Variants in PRKACB observed in about 807,000 individuals in gnomAD.
PRKACB encodes the protein cAMP-dependent protein kinase catalytic subunit beta.
PRKACB carries 16 observed loss-of-function variants against 51.4 expected under a neutral mutation model. The observed-to-expected ratio is 0.31, with a 90% CI of 0.21 to 0.47. The LOEUF (loss-of-function observed/expected upper bound fraction) is 0.47. Among genes scored for constraint, PRKACB ranks in the 20% least tolerant of loss-of-function variants. The pLI is 1.00. For missense variants in PRKACB, 309 were observed against 464.5 expected, an observed-to-expected ratio of 0.67 and a Z score of 3.08; for synonymous variants, 147 against 154.4, an observed-to-expected ratio of 0.95 and a Z score of 0.35.
chr1:84,137,135 T>C (rs1446175504), intron 1 of PRKACB, among the ~76,000 whole-genome samples: 2 of 152,166 alleles, frequency 1.3e-5, no homozygotes, highest in African/African-American at 4.8e-5. Flanking sequence ...CAAACCCCTT[T>C]CCTTTATAAA....
At chr1:84,078,344 G>T (rs201535952) in exon 1 of PRKACB, 19 of 1,611,498 alleles carry the variant, frequency 1.2e-5, no homozygotes, top group Non-Finnish European at 1.4e-5. Flanking sequence ...CGCGGCGACC[G>T]CCAAGAAAGG....
chr1:84,085,698 G>C (rs939107034), intron 1 of PRKACB: 14 of 197,334 alleles, frequency 7.1e-5, no homozygotes, highest in African/African-American at 3.3e-4. Context: ...TTGTCAGGCA[G>C]GGAGGGCTGG....
chr1:84,128,434 G>C (rs7532712), intron 1 of PRKACB, among the ~76,000 whole-genome samples: 72,458 of 151,872 alleles, frequency 0.48, 17,940 homozygotes, highest in Non-Finnish European at 0.56. Context: ...GCATACCCAC[G>C]ATTTTCATGC....
intron 1 of PRKACB, among the ~76,000 whole-genome samples, chr1:84,150,403 C>T (rs1029328901): frequency 6.6e-6 from 1 of 152,092 alleles, no homozygotes; most frequent in East Asian, 1.9e-4. Flanking sequence ...CCTTCTGTTA[C>T]AACTACCAGG....
chr1:84,100,484 A>T (rs1033431396), intron 1 of PRKACB, among the ~76,000 whole-genome samples: 19 of 152,184 alleles, frequency 1.2e-4, no homozygotes, highest in Admixed American at 1.2e-3. Flanking sequence ...AGTGGCTTTT[A>T]TCTCAGAATA....
chr1:84,114,259 A>C (rs77818728), intron 1 of PRKACB, among the ~76,000 whole-genome samples: 2,037 of 152,320 alleles, frequency 0.013, 51 homozygotes, highest in African/African-American at 0.046. Context: ...AGTAATTTTC[A>C]AAATATGTAG....
intron 1 of PRKACB, among the ~76,000 whole-genome samples, chr1:84,129,337 G>A (rs181636704): frequency 6.6e-6 from 1 of 152,126 alleles, no homozygotes; most frequent in African/African-American, 2.4e-5. Context: ...ATTTGTTTAT[G>A]TATTTGAAAA....
At chr1:84,232,257 C>T (rs2101705165) in intron 9 of PRKACB, among the ~76,000 whole-genome samples, 1 of 151,584 alleles carries the variant, frequency 6.6e-6, no homozygotes, top group South Asian at 2.1e-4. Flanking sequence ...ATCCTGAGTT[C>T]TAGTTTGATT....
intron 9 of PRKACB, among the ~76,000 whole-genome samples, chr1:84,220,365 A>G (rs1280736817): frequency 2.6e-5 from 4 of 152,058 alleles, no homozygotes; most frequent in Non-Finnish European, 4.4e-5. Context: ...TGGAGTCTAT[A>G]TGTAAGATTA....
chr1:84,216,245 A>G (rs192234475), intron 9 of PRKACB, among the ~76,000 whole-genome samples: 1 of 152,266 alleles, frequency 6.6e-6, no homozygotes, highest in East Asian at 1.9e-4. Context: ...AGACTGAGGC[A>G]GGAAGATCAC....
chr1:84,154,215 G>T (rs1655177965), intron 1 of PRKACB, among the ~76,000 whole-genome samples: 1 of 152,064 alleles, frequency 6.6e-6, no homozygotes, highest in Admixed American at 6.6e-5. Flanking sequence ...TTTAAATTGG[G>T]TATTTGTTTT....
chr1:84,127,143 G>A (rs918867819), intron 1 of PRKACB, among the ~76,000 whole-genome samples: 6 of 152,124 alleles, frequency 3.9e-5, no homozygotes, highest in African/African-American at 1.4e-4. Context: ...CTTGACAGCT[G>A]TGTATGTTAC....
chr1:84,117,631 T>C (rs1397548343), intron 1 of PRKACB, among the ~76,000 whole-genome samples: 1 of 152,186 alleles, frequency 6.6e-6, no homozygotes, highest in Non-Finnish European at 1.5e-5. Flanking sequence ...TGTATTTTTG[T>C]GATATCAGTT....
At chr1:84,182,465 T>C in intron 3 of PRKACB, 137 bp downstream of exon 3, 1 of 628,490 alleles carries the variant, frequency 1.6e-6, no homozygotes, top group Non-Finnish European at 2.2e-6. Context: ...TTATTGTAAC[T>C]AAATTTTTAT....
chr1:84,227,514 T>C (rs1272536482), intron 9 of PRKACB, among the ~76,000 whole-genome samples: 1 of 152,214 alleles, frequency 6.6e-6, no homozygotes, highest in Non-Finnish European at 1.5e-5. Flanking sequence ...TTCTGCCAAA[T>C]AGCAGTCATT....
intron 9 of PRKACB, among the ~76,000 whole-genome samples, chr1:84,218,959 T>TA (rs1252474721): frequency 6.6e-6 from 1 of 152,200 alleles, no homozygotes; most frequent in Admixed American, 6.5e-5. Context: ...TGTGTACACA[T>TA]ATCCTTTACC....
intron 9 of PRKACB, among the ~76,000 whole-genome samples, chr1:84,231,769 C>A (rs1479162014): frequency 1.3e-5 from 2 of 151,932 alleles, no homozygotes; most frequent in South Asian, 4.2e-4. Flanking sequence ...GTGGTGATAT[C>A]CCCTTTATCA....
At chr1:84,107,983 T>C (rs2100832793) in intron 1 of PRKACB, among the ~76,000 whole-genome samples, 1 of 152,092 alleles carries the variant, frequency 6.6e-6, no homozygotes, top group South Asian at 2.1e-4. Flanking sequence ...CAGGTATATA[T>C]CCTGAGGAAT....
chr1:84,214,686 G>A (rs1672637643), intron 9 of PRKACB, among the ~76,000 whole-genome samples: 2 of 151,800 alleles, frequency 1.3e-5, no homozygotes, highest in South Asian at 4.2e-4. Flanking sequence ...GTAGAGACAG[G>A]GTTTCACTAT....
Sources: allele counts gnomAD v4.1 joint callset (sites outside exome capture counted in the v4.1 genomes callset), GRCh38; gene constraint gnomAD v4.1.1; transcripts MANE v1.5; gene names NCBI Gene and HGNC (gene_info 2026-07-23, HGNC 2026-07-21).